Variants in BABAM2 observed in about 807,000 individuals in gnomAD.
BABAM2 encodes BRISC and BRCA1 A complex member 2, also known as BRISC and BRCA1-A complex member 2.
In BABAM2, 31 loss-of-function variants were observed where a neutral mutation model predicts 54.7. The observed-to-expected ratio is 0.57, with a 90% CI of 0.43 to 0.77. BABAM2 has a LOEUF of 0.77. Among genes scored for constraint, BABAM2 ranks in the 30% least tolerant of loss-of-function variants. The probability of loss-of-function intolerance (pLI) is 0.00; values close to 1 mark genes in which losing one functional copy is unlikely to be tolerated. For synonymous variants in BABAM2, 167 were observed against 162.9 expected (o/e 1.03, Z -0.19); for missense variants, 364 against 455.8 (o/e 0.80, Z 1.83).
chr2:27,977,149 A>G (rs1164709975), intron 3 of BABAM2, among the ~76,000 whole-genome samples: 1 of 152,244 alleles, frequency 6.6e-6, no homozygotes, highest in East Asian at 1.9e-4. Flanking sequence ...ACAACAGCCT[A>G]CATTGCTGAG....
chr2:28,220,654 T>A (rs928180058), intron 7 of BABAM2, among the ~76,000 whole-genome samples: 7 of 151,812 alleles, frequency 4.6e-5, no homozygotes, highest in African/African-American at 1.7e-4. Flanking sequence ...TACAACTGGG[T>A]GTGGTGGGTC....
At chr2:28,224,210 A>C (rs1680666054) in intron 7 of BABAM2, among the ~76,000 whole-genome samples, 1 of 152,256 alleles carries the variant, frequency 6.6e-6, no homozygotes, top group Non-Finnish European at 1.5e-5. Context: ...GTTTTCATTG[A>C]TGATGAATAT....
chr2:28,034,443 G>T (rs964494340), intron 5 of BABAM2, among the ~76,000 whole-genome samples: 1 of 152,022 alleles, frequency 6.6e-6, no homozygotes, highest in African/African-American at 2.4e-5. Context: ...GCTTTTTTTG[G>T]TATATTCTTG....
chr2:28,013,458 C>G, intron 4 of BABAM2: 1 of 449,752 alleles, frequency 2.2e-6, no homozygotes, highest in Non-Finnish European at 4.4e-6. Context: ...ATGAGTCTTA[C>G]CAGTCCTATC....
chr2:28,120,513 A>G lies in BABAM2; in HGVS notation c.571-8758A>G, dbSNP rs868525609. On this transcript the variant is annotated intron_variant, in intron 6 of 11. Transcript: ENST00000379624. ...GGTTCAAAACTCGTCTTCACCATTT[A>G]ATCTCTCTGAGCCTCAGTTTCTTCA... Among the ~76,000 whole-genome samples the G allele has an allele frequency of 5.3e-5, 8 of 152,200 alleles. No homozygotes were observed. The South Asian group carries it at 1.7e-3, about 32-fold the overall frequency.
chr2:27,923,572 T>G (rs1426461172), intron 2 of BABAM2, among the ~76,000 whole-genome samples: 1 of 152,200 alleles, frequency 6.6e-6, no homozygotes, highest in Non-Finnish European at 1.5e-5. Context: ...GAGTTATAAT[T>G]GTGCCACTGC....
Position 27,995,596 on chromosome 2 carries a change from C to T in BABAM2, c.300+7509C>T, listed in dbSNP as rs1042241935. Among the ~76,000 whole-genome samples the T allele has an allele frequency of 6.6e-6, 1 of 151,932 alleles. No individual in the cohort carries two copies. Among genetic ancestry groups the T allele is most frequent in the Non-Finnish European group, 1.5e-5 (1 of 67,986 alleles). On this transcript the variant is annotated intron_variant, in intron 4 of 11. Transcript: ENST00000379624. The surrounding 1 kb of genome is among the most constrained non-coding windows in gnomAD (Gnocchi z 4.1). ...AGTTCTTTTTTGTTTGTTTGTTTTT[C>T]TTAGATGGAGTCTTGCTCTGTTGCC...
At chr2:28,033,700 G>A (rs935432381) in intron 5 of BABAM2, among the ~76,000 whole-genome samples, 2 of 152,004 alleles carry the variant, frequency 1.3e-5, no homozygotes, top group African/African-American at 4.8e-5. Flanking sequence ...TTTATTAATT[G>A]CAACAAAGCA....
intron 6 of BABAM2, among the ~76,000 whole-genome samples, chr2:28,079,422 A>G (rs1328672766): frequency 6.6e-6 from 1 of 152,132 alleles, no homozygotes; most frequent in East Asian, 1.9e-4. Flanking sequence ...GACAGTGTTT[A>G]TTTGTTTTCT....
chr2:27,946,623 C>T lies in BABAM2; in HGVS notation c.205+16715C>T, dbSNP rs543352807. ...CCAATGAAGCCATCTGGACCTGGAGCGAGATAGAGAGAGAGAGAAAGAGAG... is the reference window on the plus strand; with the variant it reads ...CCAATGAAGCCATCTGGACCTGGAGTGAGATAGAGAGAGAGAGAAAGAGAG... On this transcript the variant is annotated intron_variant, in intron 3 of 11. Coordinates refer to ENST00000379624, the MANE Select transcript of BABAM2 (RefSeq NM_199191.3). 2.5e-3 allele frequency among the ~76,000 whole-genome samples: 362 copies of T among 146,900 alleles called. 1 individual carries two copies. The highest frequency in any genetic ancestry group is 7.7e-3 in the African/African-American group (304 of 39,616).
At chr2:27,978,293 C>G (rs539650967) in intron 3 of BABAM2, among the ~76,000 whole-genome samples, 39 of 152,330 alleles carry the variant, frequency 2.6e-4, no homozygotes, top group Non-Finnish European at 4.3e-4. Context: ...CTCCCTTCAC[C>G]TCCTGCCATG....
intron 2 of BABAM2, among the ~76,000 whole-genome samples, chr2:27,903,068 G>A (rs937190902): frequency 6.6e-6 from 1 of 152,064 alleles, no homozygotes; most frequent in Admixed American, 6.6e-5. Flanking sequence ...GTAATATGGA[G>A]TGAGATAGAG....
Position 27,933,449 on chromosome 2 carries a change from G to A in BABAM2, c.205+3541G>A, listed in dbSNP as rs974107583. On this transcript the variant is annotated intron_variant, in intron 3 of 11. Transcript: ENST00000379624. ...TAAAAGTTCATAGAATTAGAAAGAT[G>A]AGTTTTTTTTTTAAAAAACACATAT... Among the ~76,000 whole-genome samples the A allele has an allele frequency of 7.9e-5, 12 of 151,344 alleles. No homozygotes were observed. In the East Asian group the frequency reaches 2.3e-3, roughly 29 times the overall value.
chr2:28,137,273 T>C (rs1401877687), intron 7 of BABAM2, among the ~76,000 whole-genome samples: 1 of 152,190 alleles, frequency 6.6e-6, no homozygotes, highest in Non-Finnish European at 1.5e-5. Flanking sequence ...CTATAATAAA[T>C]ATTGTGCTCC....
At chr2:28,233,923 G>A (rs987863040) in intron 7 of BABAM2, among the ~76,000 whole-genome samples, 2 of 152,246 alleles carry the variant, frequency 1.3e-5, no homozygotes, top group Middle Eastern at 3.4e-3. Context: ...GAGATGAGCC[G>A]TACATCACAG....
chr2:28,312,990 T>TA (rs1355410363), intron 11 of BABAM2, among the ~76,000 whole-genome samples: 1 of 152,156 alleles, frequency 6.6e-6, no homozygotes, highest in African/African-American at 2.4e-5. Context: ...TCTGACCTCC[T>TA]ACGTTTCCCC....
At position 27,936,765 on chromosome 2, in the gene BABAM2, A is replaced by G. The variant is rs189307057; in HGVS notation, c.205+6857A>G. On this transcript the variant is annotated intron_variant, in intron 3 of 11. Transcript: ENST00000379624. ...TTGAACAATGAGAACACATGGACAC[A>G]GGAAGGGGAACATCACACTCTGGGG... 3.7e-3 allele frequency among the ~76,000 whole-genome samples: 555 copies of G among 151,720 alleles called. 3 individuals carry two copies. The highest frequency in any genetic ancestry group is 0.013 in the African/African-American group (524 of 41,416).
chr2:28,208,629 C>T (rs892184417), intron 7 of BABAM2, among the ~76,000 whole-genome samples: 6 of 151,490 alleles, frequency 4.0e-5, no homozygotes, highest in Non-Finnish European at 5.9e-5. Flanking sequence ...CCCTCCCTTC[C>T]TCTTTCTTTC....
At chr2:28,131,372 C>T (rs62140457) in intron 7 of BABAM2, among the ~76,000 whole-genome samples, 40,633 of 72,774 alleles carry the variant, frequency 0.56, 12,248 homozygotes, top group Middle Eastern at 0.72. Context: ...TGAGCCACCG[C>T]GCCCGGCCTA....
Sources: gnomAD v4.1 joint callset for allele counts (sites outside exome capture counted in the v4.1 genomes callset) on GRCh38, gnomAD v4.1.1 for gene constraint, Gnocchi (gnomAD v3.1) non-coding constraint, MANE v1.5 for transcripts, NCBI Gene and HGNC (gene_info 2026-07-23, HGNC 2026-07-21) for gene names.